The following IFNGR1 variants were observed in gnomAD, a reference collection of about 807,000 sequenced individuals.
IFNGR1 encodes the protein AVP, type 2.
A neutral mutation model predicts 35.4 loss-of-function variants in IFNGR1; 23 were observed. The observed-to-expected ratio is 0.65, with a 90% CI of 0.47 to 0.92. IFNGR1 has a LOEUF of 0.92. Ranked by LOEUF, IFNGR1 falls within the 40% of genes least tolerant of loss-of-function variation. The probability of loss-of-function intolerance (pLI) is 0.00; values close to 1 mark genes in which losing one functional copy is unlikely to be tolerated. For missense variants in IFNGR1, 533 were observed against 583.4 expected (o/e 0.91, Z 0.89); for synonymous variants, 199 against 209.5 (o/e 0.95, Z 0.43).
At chr6:137,210,188 T>C (rs1315233608) in intron 1 of IFNGR1, among the ~76,000 whole-genome samples, 1 of 151,752 alleles carries the variant, frequency 6.6e-6, no homozygotes, top group African/African-American at 2.4e-5. Context: ...ATTAGCCAGG[T>C]GAAGAGGCCT....
At chr6:137,214,649 T>C (rs1779649867) in intron 1 of IFNGR1, among the ~76,000 whole-genome samples, 1 of 152,212 alleles carries the variant, frequency 6.6e-6, no homozygotes, top group African/African-American at 2.4e-5. Context: ...GCTTTATTCT[T>C]ACTCCTATTT....
At position 137,198,061 on chromosome 6, in the gene IFNGR1, T is replaced by G; in HGVS notation, c.1440A>C (p.Arg480Ser). The G allele has an allele frequency of 1.2e-6, 2 of 1,614,120 alleles. No individual in the cohort carries two copies. Among genetic ancestry groups the G allele is most frequent in the Non-Finnish European group, 1.7e-6 (2 of 1,179,994 alleles). The change falls in exon 7 of 7, where the codon AGA becomes AGC. Residue 480 changes from arginine to serine, a missense_variant. Arg to Ser is a moderately radical substitution (Grantham distance 110). Coordinates refer to ENST00000367739, the MANE Select transcript of IFNGR1 (RefSeq NM_000416.3). ...AAAATTCTTTGGAATCTTCTGTTGGTCTATAACCAATCAAGGACTCTTTAC... is the reference window on the plus strand; with the variant it reads ...AAAATTCTTTGGAATCTTCTGTTGGGCTATAACCAATCAAGGACTCTTTAC... ...DSGKESLIGYRPTEDSKEFS is the reference protein window; with the variant it reads ...DSGKESLIGYSPTEDSKEFS
chr6:137,198,162 T>C lies in IFNGR1; in HGVS notation c.1339A>G (p.Thr447Ala). Reference protein sequence around the residue: ...EIKTEGQELITVIKAPTSFGY... With the variant: ...EIKTEGQELIAVIKAPTSFGY... ...AAGGAGGTGGGGGCTTTTATTACGG[T>C]TATGAGCTCTTGTCCTTCTGTTTTT... is the stretch of plus-strand genomic sequence containing the variant. The change falls in exon 7 of 7, where the codon ACC (threonine) becomes GCC (alanine). Residue 447 changes from threonine to alanine, a missense_variant. Thr to Ala is a moderately conservative substitution (Grantham distance 58, BLOSUM62 0). Transcript: ENST00000367739. 1 of 1,614,186 alleles carries C rather than the reference T, an allele frequency of 6.2e-7. No homozygotes were observed.
chr6:137,219,153 G>C (rs1236801979), intron 1 of IFNGR1, 90 bp downstream of exon 1: 12 of 1,512,244 alleles, frequency 7.9e-6, no homozygotes, highest in Non-Finnish European at 9.9e-6. Flanking sequence ...GGGCGACCTC[G>C]GAGAAGCGGG....
At chr6:137,210,727 T>C (rs1035512089) in intron 1 of IFNGR1, among the ~76,000 whole-genome samples, 1 of 152,220 alleles carries the variant, frequency 6.6e-6, no homozygotes, top group Non-Finnish European at 1.5e-5. Context: ...ATTTGGGTTC[T>C]TTCTTGGCCA....
rs756592337 is a variant in IFNGR1, at chr6:137,219,209, G to T, written c.85+34C>A. 2 of 1,583,594 alleles carry T rather than the reference G, an allele frequency of 1.3e-6. No individual in the cohort carries two copies. Among genetic ancestry groups the T allele is most frequent in the African/African-American group, 1.3e-5 (1 of 74,504 alleles). ...CGGATCCCTCCCTCCCTCTCGTCCC[G>T]ACCCGGCCGCAGCCCTGCCGCGAAC... On this transcript the variant is annotated intron_variant, in intron 1 of 6. Coordinates refer to ENST00000367739, the MANE Select transcript of IFNGR1 (RefSeq NM_000416.3).
chr6:137,198,649 G>A lies in IFNGR1; in HGVS notation c.862-10C>T. 4 of 1,602,306 alleles carry A rather than the reference G, an allele frequency of 2.5e-6. No individual in the cohort carries two copies. Among genetic ancestry groups the A allele is most frequent in the African/African-American group, 2.7e-5 (2 of 74,818 alleles). ...TTCTTACCACAGAGATCTATGGGGAGAAAAATTGATTAAAGATAAAAAATT... is the reference window on the plus strand; with the variant it reads ...TTCTTACCACAGAGATCTATGGGGAAAAAAATTGATTAAAGATAAAAAATT... On this transcript the variant is annotated splice_polypyrimidine_tract_variant and intron_variant, in intron 6 of 6. Coordinates refer to ENST00000367739, the MANE Select transcript of IFNGR1 (RefSeq NM_000416.3).
chr6:137,208,906 T>C (rs1252509918), intron 1 of IFNGR1, among the ~76,000 whole-genome samples: 2 of 152,174 alleles, frequency 1.3e-5, no homozygotes, highest in Admixed American at 6.5e-5. Context: ...CTGCAGACAT[T>C]TGATGGCAGC....
intron 1 of IFNGR1, among the ~76,000 whole-genome samples, chr6:137,213,921 T>C (rs1779631876): frequency 6.6e-6 from 1 of 152,190 alleles, no homozygotes; most frequent in Non-Finnish European, 1.5e-5. Flanking sequence ...GTAAAAAGAC[T>C]GTATAAAAGG....
Position 137,204,299 on chromosome 6 carries a change from G to T in IFNGR1, c.546+33C>A, listed in dbSNP as rs1456581483. ...GGAACAACTTTTGCTAGCTACACAA[G>T]AATTTCCATTATGAAAAATGTGAAA... On this transcript the variant is annotated intron_variant, in intron 4 of 6. Transcript: ENST00000367739. 4.4e-6 allele frequency: 7 copies of T among 1,590,372 alleles called. 1 individual carries two copies. Among genetic ancestry groups the T allele is most frequent in the Non-Finnish European group, 5.2e-6 (6 of 1,158,748 alleles).
chr6:137,209,619 C>T (rs1287479263), intron 1 of IFNGR1, among the ~76,000 whole-genome samples: 1 of 152,182 alleles, frequency 6.6e-6, no homozygotes, highest in Non-Finnish European at 1.5e-5. Flanking sequence ...TGCTGTGATT[C>T]TGAGGCCTCC....
rs530609097 is a variant in IFNGR1, at chr6:137,212,546, G to A, written c.86-5469C>T. Among the ~76,000 whole-genome samples, 58 of 152,276 alleles carry A rather than the reference G, an allele frequency of 3.8e-4. 3 individuals are homozygous for A. Among genetic ancestry groups the A allele is most frequent in the South Asian group, 6.2e-4 (3 of 4,826 alleles). Reference sequence around the variant, plus strand: ...GCTGAGATTACAGGTGTGAGCCACCGGGCCCAGCCTAAGGCTCTCTTTTTA... The same window carrying A: ...GCTGAGATTACAGGTGTGAGCCACCAGGCCCAGCCTAAGGCTCTCTTTTTA... On this transcript the variant is annotated intron_variant, in intron 1 of 6. Transcript: ENST00000367739.
intron 5 of IFNGR1, among the ~76,000 whole-genome samples, chr6:137,202,342 C>A (rs1779296339): frequency 6.6e-6 from 1 of 152,154 alleles, no homozygotes; most frequent in Non-Finnish European, 1.5e-5. Context: ...GCGGCATTTG[C>A]ATTATTTCAA....
chr6:137,204,360 T>C lies in IFNGR1; in HGVS notation c.518A>G (p.Asn173Ser), dbSNP rs746704913. ...PETTCYIRVY[N>S]VYVRMNGSEI... ...ACTTCCGTTCATTCTCACATACACATTGTACACCCTAATGTAACAGGTAGT... is the reference window on the plus strand; with the variant it reads ...ACTTCCGTTCATTCTCACATACACACTGTACACCCTAATGTAACAGGTAGT... The change falls in exon 4 of 7, where the codon AAT (asparagine) becomes AGT (serine). Residue 173 changes from asparagine to serine, a missense_variant. Coordinates refer to ENST00000367739, the MANE Select transcript of IFNGR1 (RefSeq NM_000416.3). 1.2e-5 allele frequency: 19 copies of C among 1,613,832 alleles called. No individual in the cohort carries two copies. The Admixed American group carries it at 1.8e-4, about 16-fold the overall frequency.
chr6:137,217,842 C>T (rs1197540150), intron 1 of IFNGR1, among the ~76,000 whole-genome samples: 1 of 152,228 alleles, frequency 6.6e-6, no homozygotes, highest in African/African-American at 2.4e-5. Context: ...AGCTCTCACA[C>T]ACACTTTACA....
At position 137,219,359 on chromosome 6, in the gene IFNGR1, G is replaced by A. The variant is rs2114528068; in HGVS notation, c.-32C>T. Reference sequence around the variant, plus strand: ...ACCGACGGTCGCTGGCTCCAACCCCGAGCGCCTGCGGGACCAGCCCAGCAC... The same window carrying A: ...ACCGACGGTCGCTGGCTCCAACCCCAAGCGCCTGCGGGACCAGCCCAGCAC... On this transcript the variant is annotated 5_prime_UTR_variant, in exon 1 of 7. Transcript: ENST00000367739. The A allele has an allele frequency of 1.9e-6, 3 of 1,581,056 alleles. No homozygotes were observed. The highest frequency in any genetic ancestry group is 1.7e-6 in the Non-Finnish European group (2 of 1,163,952).
chr6:137,207,230 A>T (rs980254566), intron 1 of IFNGR1, among the ~76,000 whole-genome samples, 153 bp from the exon 2 acceptor site: 2 of 152,250 alleles, frequency 1.3e-5, no homozygotes, highest in Admixed American at 1.3e-4. Flanking sequence ...TGAAGAGTAG[A>T]CATCTAGAAA....
At chr6:137,214,989 T>C (rs976583315) in intron 1 of IFNGR1, among the ~76,000 whole-genome samples, 2 of 152,230 alleles carry the variant, frequency 1.3e-5, no homozygotes, top group African/African-American at 4.8e-5. Context: ...TAAAGATATA[T>C]TTGTTAAAAT....
At chr6:137,199,451 T>C (rs1453636565) in intron 6 of IFNGR1, among the ~76,000 whole-genome samples, 1 of 74,096 alleles carries the variant, frequency 1.3e-5, no homozygotes, top group Admixed American at 2.1e-4. Context: ...ATATATAAAA[T>C]ATATAACTTA....
Sources: allele counts gnomAD v4.1 joint callset (sites outside exome capture counted in the v4.1 genomes callset), GRCh38; gene constraint gnomAD v4.1.1; transcripts MANE v1.5; gene names NCBI Gene and HGNC (gene_info 2026-07-23, HGNC 2026-07-21).